The following STK3 variants were observed in gnomAD, a reference collection of about 807,000 sequenced individuals.
STK3 encodes the protein serine/threonine kinase 3.
STK3 carries 41 observed loss-of-function variants against 58.0 expected under a neutral mutation model. That is an observed-to-expected ratio of 0.71 (90% CI 0.55 to 0.92). STK3 has a LOEUF of 0.92. STK3 is among the 40% of genes least tolerant of loss of function. The pLI is 0.00. For synonymous variants in STK3, 170 were observed against 191.0 expected (o/e 0.89, Z 0.91); for missense variants, 479 against 602.7 (o/e 0.79, Z 2.15).
chr8:98,739,018 A>C (rs1311180939), intron 4 of STK3, among the ~76,000 whole-genome samples: 2 of 152,244 alleles, frequency 1.3e-5, no homozygotes, highest in African/African-American at 4.8e-5. Context: ...TCAAACTGCA[A>C]GGCAGCGGCG....
chr8:98,545,383 G>A (rs936824361), intron 9 of STK3, among the ~76,000 whole-genome samples: 3 of 152,196 alleles, frequency 2.0e-5, no homozygotes, highest in Admixed American at 1.3e-4. Flanking sequence ...CTGGGAGCGG[G>A]AGGGTAAAAG....
intron 6 of STK3, among the ~76,000 whole-genome samples, chr8:98,674,054 C>T (rs1399882687): frequency 1.3e-5 from 2 of 152,120 alleles, no homozygotes; most frequent in Non-Finnish European, 2.9e-5. Flanking sequence ...GGAACTCTCG[C>T]TTCCTCCAAA....
intron 6 of STK3, among the ~76,000 whole-genome samples, chr8:98,636,495 T>G (rs1005708348): frequency 6.6e-6 from 1 of 152,190 alleles, no homozygotes; most frequent in African/African-American, 2.4e-5. Context: ...GTACCTGCTC[T>G]CTTGAGACAT....
chr8:98,808,069 T>A (rs985063625), intron 1 of STK3, among the ~76,000 whole-genome samples: 3 of 152,168 alleles, frequency 2.0e-5, no homozygotes, highest in Non-Finnish European at 2.9e-5. Context: ...AAAGGTCAGA[T>A]AAAAGGAAGA....
chr8:98,735,787 G>A (rs1178472106), intron 4 of STK3, among the ~76,000 whole-genome samples: 1 of 152,068 alleles, frequency 6.6e-6, no homozygotes, highest in Non-Finnish European at 1.5e-5. Context: ...TTACAACTCA[G>A]ACTCAGTTAC....
chr8:98,696,101 C>A (rs1011772327), intron 6 of STK3, among the ~76,000 whole-genome samples: 1 of 152,002 alleles, frequency 6.6e-6, no homozygotes, highest in South Asian at 2.1e-4. Context: ...GTTGGATTCC[C>A]AGGTATTTTA....
intron 8 of STK3, among the ~76,000 whole-genome samples, chr8:98,556,935 T>G (rs963204921): frequency 6.6e-6 from 1 of 152,064 alleles, no homozygotes; most frequent in Non-Finnish European, 1.5e-5. Context: ...GAGATCAAAC[T>G]GAATCTAAAG....
rs189073376 is a variant in STK3 at position 98,422,804 on chromosome 8, C to T, written n.483+11323G>A. 2.8e-3 allele frequency among the ~76,000 whole-genome samples: 426 copies of T among 152,298 alleles called. 10 individuals are homozygous for T. Among genetic ancestry groups the T allele is most frequent in the Admixed American group, 0.026 (394 of 15,302 alleles). ...ACTCATGGACACACAGCTCTCGATCCGCACCCCCAAAGTCAGGCTGCTCAG... is the reference window on the plus strand; with the variant it reads ...ACTCATGGACACACAGCTCTCGATCTGCACCCCCAAAGTCAGGCTGCTCAG... On this transcript the variant is annotated intron_variant and non_coding_transcript_variant, in intron 3 of 3. Coordinates refer to the STK3 transcript ENST00000517832.
At chr8:98,796,046 T>C (rs1281153852) in intron 1 of STK3, among the ~76,000 whole-genome samples, 2 of 152,056 alleles carry the variant, frequency 1.3e-5, no homozygotes, top group Non-Finnish European at 2.9e-5. Context: ...AAAATCAACA[T>C]CATTAAAATG....
At chr8:98,910,315 G>A (rs1839079377) in intron 1 of STK3, among the ~76,000 whole-genome samples, 2 of 152,048 alleles carry the variant, frequency 1.3e-5, no homozygotes, top group African/African-American at 2.4e-5. Flanking sequence ...ATGTAACCAG[G>A]ACTTAAAGTT....
intron 3 of STK3, among the ~76,000 whole-genome samples, chr8:98,751,174 T>C (rs1299417049): frequency 2.6e-5 from 4 of 152,172 alleles, no homozygotes; most frequent in Non-Finnish European, 5.9e-5. Context: ...GCTGGAAGCA[T>C]TCCCCTTGAA....
chr8:98,880,261 A>G (rs182839636), downstream of STK3: 1 of 152,386 alleles, frequency 6.6e-6, no homozygotes, highest in East Asian at 1.9e-4. Flanking sequence ...CCATCTCAAA[A>G]ATAAATAAAA....
chr8:98,895,746 G>A (rs1171559923), intron 1 of STK3, among the ~76,000 whole-genome samples: 4 of 152,130 alleles, frequency 2.6e-5, no homozygotes, highest in Non-Finnish European at 4.4e-5. Flanking sequence ...TGATTGTGTT[G>A]ATCCTGGAAT....
intron 6 of STK3, among the ~76,000 whole-genome samples, chr8:98,632,589 G>A (rs995262843): frequency 6.6e-6 from 1 of 152,064 alleles, no homozygotes; most frequent in Non-Finnish European, 1.5e-5. Context: ...GATTCTATTG[G>A]ACATATGCCA....
At chr8:98,562,273 C>T (rs1171012703) in intron 8 of STK3, among the ~76,000 whole-genome samples, 1 of 151,846 alleles carries the variant, frequency 6.6e-6, no homozygotes, top group Non-Finnish European at 1.5e-5. Flanking sequence ...TGAAGATGGC[C>T]TTCAATAAGT....
chr8:98,507,771 C>A (rs1369010983), intron 10 of STK3, among the ~76,000 whole-genome samples: 1 of 152,174 alleles, frequency 6.6e-6, no homozygotes, highest in East Asian at 1.9e-4. Flanking sequence ...GCTTCCACTT[C>A]AGAGTCTTTG....
At chr8:98,473,642 A>T (rs1586649073) in intron 10 of STK3, among the ~76,000 whole-genome samples, 2 of 152,138 alleles carry the variant, frequency 1.3e-5, no homozygotes, top group South Asian at 4.1e-4. Context: ...AGTTAAATGA[A>T]TTCTTTTTAG....
intron 3 of STK3, among the ~76,000 whole-genome samples, chr8:98,420,977 T>C (rs1359523624): frequency 6.6e-6 from 1 of 152,220 alleles, no homozygotes; most frequent in African/African-American, 2.4e-5. Context: ...CAAGGATTCA[T>C]GGCTAAGGGC....
At chr8:98,603,546 A>G (rs964100295) in intron 6 of STK3, among the ~76,000 whole-genome samples, 1 of 152,122 alleles carries the variant, frequency 6.6e-6, no homozygotes, top group African/African-American at 2.4e-5. Flanking sequence ...CTATGACAAT[A>G]TTTTTCAAAG....
Sources: gnomAD v4.1 joint callset for allele counts (sites outside exome capture counted in the v4.1 genomes callset) on GRCh38, gnomAD v4.1.1 for gene constraint, MANE v1.5 for transcripts, NCBI Gene and HGNC (gene_info 2026-07-23, HGNC 2026-07-21) for gene names.